Variants in CSMD3 observed in about 807,000 individuals in gnomAD.
CSMD3 encodes CUB and sushi domain-containing protein 3.
CSMD3 carries 177 observed loss-of-function variants against 435.2 expected under a neutral mutation model. The ratio of observed to expected loss-of-function variants is 0.41; its 90% CI spans 0.36 to 0.46. CSMD3 has a LOEUF of 0.46. Among genes scored for constraint, CSMD3 ranks in the 20% least tolerant of loss-of-function variants. The pLI, the probability that CSMD3 is intolerant of heterozygous loss-of-function variation, is 0.34. For missense variants in CSMD3, 4,265 were observed against 4,504.6 expected (o/e 0.95, Z 1.52); for synonymous variants, 1,656 against 1,520.5 (o/e 1.09, Z -2.07).
chr8:112,275,087 G>A (rs1168552388), intron 59 of CSMD3, among the ~76,000 whole-genome samples: 1 of 151,888 alleles, frequency 6.6e-6, no homozygotes, highest in African/African-American at 2.4e-5. Flanking sequence ...TTCCTCATTT[G>A]GCATCAGCAG....
intron 8 of CSMD3, among the ~76,000 whole-genome samples, chr8:112,953,084 T>C (rs565569275): frequency 1.3e-5 from 2 of 151,598 alleles, no homozygotes; most frequent in East Asian, 1.9e-4. Flanking sequence ...GTTTGAACCA[T>C]GCAACATGTC....
intron 3 of CSMD3, among the ~76,000 whole-genome samples, chr8:113,193,650 G>A (rs558891024): frequency 4.0e-5 from 6 of 151,358 alleles, no homozygotes; most frequent in Non-Finnish European, 5.9e-5. Context: ...AATAGACCAC[G>A]TGTTTCCTCT....
intron 10 of CSMD3, among the ~76,000 whole-genome samples, chr8:112,906,525 ATTT>A (rs2082268610): frequency 6.6e-6 from 1 of 151,508 alleles, no homozygotes; most frequent in South Asian, 2.1e-4. Context: ...TTTCTTACCT[ATTT>A]TTTTCTAGCC....
intron 3 of CSMD3, among the ~76,000 whole-genome samples, chr8:113,193,038 C>T (rs868557026): frequency 2.8e-4 from 42 of 151,466 alleles, no homozygotes; most frequent in African/African-American, 1.0e-3. Context: ...TCCTATTGAA[C>T]TGCTTATACT....
chr8:112,293,901 G>T (rs1490040692), intron 54 of CSMD3, among the ~76,000 whole-genome samples: 2 of 151,932 alleles, frequency 1.3e-5, no homozygotes, highest in African/African-American at 4.8e-5. Context: ...TCTTATTCTG[G>T]TTTAAAATTA....
chr8:112,978,558 A>G (rs1235899210), intron 6 of CSMD3, among the ~76,000 whole-genome samples: 2 of 151,986 alleles, frequency 1.3e-5, no homozygotes, highest in African/African-American at 4.8e-5. Flanking sequence ...AATATTTAGC[A>G]TAAGAGCTAT....
chr8:113,411,254 A>C (rs1276341051), intron 1 of CSMD3, among the ~76,000 whole-genome samples: 1 of 152,104 alleles, frequency 6.6e-6, no homozygotes, highest in Admixed American at 6.5e-5. Context: ...GCCTCTCCAT[A>C]TACCTAGAGT....
Position 112,648,116 on chromosome 8 carries a change from T to C in CSMD3, c.3193+2045A>G, listed in dbSNP as rs562766545. Reference sequence around the variant, plus strand: ...GCAACCTAGGTCAATCAAGTTTACATTCTTGGAGCAGGGCAAGAAATTCTG... The same window carrying C: ...GCAACCTAGGTCAATCAAGTTTACACTCTTGGAGCAGGGCAAGAAATTCTG... On this transcript the variant is annotated intron_variant, in intron 19 of 70. Coordinates refer to ENST00000297405, the MANE Select transcript of CSMD3 (RefSeq NM_198123.2). Among the ~76,000 whole-genome samples the C allele has an allele frequency of 2.0e-5, 3 of 152,304 alleles. No individual in the cohort carries two copies. The South Asian group carries it at 6.2e-4, about 32-fold the overall frequency.
At chr8:113,082,901 A>G (rs2089622919) in intron 5 of CSMD3, among the ~76,000 whole-genome samples, 1 of 152,178 alleles carries the variant, frequency 6.6e-6, no homozygotes, top group African/African-American at 2.4e-5. Context: ...ACACACTCAG[A>G]CAAAAAAAAT....
chr8:113,149,728 C>T (rs1428972943), intron 4 of CSMD3, among the ~76,000 whole-genome samples: 4 of 151,810 alleles, frequency 2.6e-5, no homozygotes, highest in Non-Finnish European at 2.9e-5. Context: ...AGGGAGGAAA[C>T]TCCTTTGGTA....
intron 1 of CSMD3, among the ~76,000 whole-genome samples, chr8:113,367,485 T>C (rs967470073): frequency 1.3e-5 from 2 of 152,124 alleles, no homozygotes; most frequent in Admixed American, 6.5e-5. Flanking sequence ...TAAATTTACC[T>C]ATTATAACTT....
At chr8:112,356,679 T>G (rs1168713232) in intron 38 of CSMD3, among the ~76,000 whole-genome samples, 1 of 151,766 alleles carries the variant, frequency 6.6e-6, no homozygotes, top group African/African-American at 2.4e-5. Flanking sequence ...AACTGAATCA[T>G]GGGTGAAAGT....
chr8:112,575,806 G>A (rs1829895690), intron 23 of CSMD3, among the ~76,000 whole-genome samples: 1 of 152,010 alleles, frequency 6.6e-6, no homozygotes, highest in African/African-American at 2.4e-5. Context: ...GTATGTCTGT[G>A]AGTCTGAAAT....
At chr8:113,180,980 C>G (rs1031200836) in intron 3 of CSMD3, among the ~76,000 whole-genome samples, 4 of 151,924 alleles carry the variant, frequency 2.6e-5, no homozygotes, top group African/African-American at 7.2e-5. Context: ...CAAAAAGGTT[C>G]AGAGTTGCTA....
rs73702268 is a variant in CSMD3, at chr8:112,976,349, T to C, written c.1031-201A>G. On this transcript the variant is annotated intron_variant, in intron 6 of 70. Transcript: ENST00000297405. Reference sequence around the variant, plus strand: ...CTATCAACCATCCTATGGATAGATATACACACAAAATATACCACATTTTAA... The same window carrying C: ...CTATCAACCATCCTATGGATAGATACACACACAAAATATACCACATTTTAA... 7.8e-3 allele frequency among the ~76,000 whole-genome samples: 1,183 copies of C among 152,186 alleles called. 19 individuals carry two copies. Among genetic ancestry groups the C allele is most frequent in the African/African-American group, 0.027 (1,128 of 41,528 alleles).
At chr8:112,851,890 G>A (rs1172190998) in intron 11 of CSMD3, among the ~76,000 whole-genome samples, 1 of 152,118 alleles carries the variant, frequency 6.6e-6, no homozygotes, top group African/African-American at 2.4e-5. Context: ...TCAGAGGATA[G>A]AATCAGTTGT....
At chr8:112,735,976 C>G (rs2077178033) in intron 13 of CSMD3, among the ~76,000 whole-genome samples, 1 of 151,896 alleles carries the variant, frequency 6.6e-6, no homozygotes, top group African/African-American at 2.4e-5. Flanking sequence ...AGGTAGAAAA[C>G]AGAAATCATA....
intron 52 of CSMD3, among the ~76,000 whole-genome samples, chr8:112,302,629 G>T (rs564876622): frequency 8.6e-5 from 13 of 151,994 alleles, no homozygotes; most frequent in African/African-American, 3.1e-4. Flanking sequence ...AACAGATCAT[G>T]TTCATTGGGC....
chr8:113,030,435 A>AAC (rs2087053561), intron 5 of CSMD3, among the ~76,000 whole-genome samples: 1 of 149,354 alleles, frequency 6.7e-6, no homozygotes, highest in African/African-American at 2.4e-5. Context: ...AAAAAAAAAA[A>AAC]AAAAAAAAAA....
Sources: allele counts gnomAD v4.1 joint callset (sites outside exome capture counted in the v4.1 genomes callset), GRCh38; gene constraint gnomAD v4.1.1; transcripts MANE v1.5; gene names NCBI Gene and HGNC (gene_info 2026-07-23, HGNC 2026-07-21).